TRDMT1: variants seen among roughly 807,000 people sequenced by gnomAD.
TRDMT1 encodes the protein tRNA aspartic acid methyltransferase 1, also known as tRNA (cytosine(38)-C(5))-methyltransferase.
TRDMT1 carries 49 observed loss-of-function variants against 51.2 expected under a neutral mutation model. The ratio of observed to expected loss-of-function variants is 0.96; its 90% CI spans 0.76 to 1.21. The LOEUF (loss-of-function observed/expected upper bound fraction) is 1.21. Among genes scored for constraint, TRDMT1 ranks in the 50% most tolerant of loss-of-function variants. The pLI is 0.00. For missense variants in TRDMT1, 534 were observed against 462.3 expected, an observed-to-expected ratio of 1.16 and a Z score of -1.42; for synonymous variants, 187 against 164.6, an observed-to-expected ratio of 1.14 and a Z score of -1.04.
chr10:17,188,503 C>T (rs986737362), intron 1 of TRDMT1, among the ~76,000 whole-genome samples: 5 of 152,244 alleles, frequency 3.3e-5, no homozygotes, highest in East Asian at 1.9e-4. Flanking sequence ...GATAAAACAA[C>T]GAATCCCTGC....
chr10:17,201,227 TG>T, intron 1 of TRDMT1: 1 of 237,306 alleles, frequency 4.2e-6, no homozygotes. Flanking sequence ...TCTCGGTGGC[TG>T]CACACTTAGA....
chr10:17,183,951 G>A (rs1205073190), intron 1 of TRDMT1, among the ~76,000 whole-genome samples: 1 of 152,020 alleles, frequency 6.6e-6, no homozygotes, highest in Non-Finnish European at 1.5e-5. Flanking sequence ...TACAACAATT[G>A]TAACTCAGTG....
intron 1 of TRDMT1, among the ~76,000 whole-genome samples, chr10:17,198,342 A>G (rs1845722781): frequency 6.6e-6 from 1 of 152,232 alleles, no homozygotes; most frequent in African/African-American, 2.4e-5. Flanking sequence ...AACAATACTT[A>G]TATACCAATA....
chr10:17,146,297 A>G lies in TRDMT1; in HGVS notation c.*2743T>C. On this transcript the variant is annotated 3_prime_UTR_variant, in exon 11 of 11. Transcript: ENST00000377799. ...GGCTGAAGGTTGGAGGTATTTTCTC[A>G]TCTTTCCAGACATAGGGCAGTGCCC... is the stretch of plus-strand genomic sequence containing the variant. 1.0e-6 allele frequency: 1 copy of G among 985,362 alleles called. No individual in the cohort carries two copies. Among genetic ancestry groups the G allele is most frequent in the Non-Finnish European group, 1.2e-6 (1 of 829,908 alleles). 61.0% of individuals were successfully genotyped at this position (985,362 alleles called of 1,614,324 possible). A position where few individuals can be genotyped will look rare whatever the true frequency, so the allele number is the denominator to read the frequency against.
chr10:17,192,092 A>T (rs1844764480), intron 1 of TRDMT1, among the ~76,000 whole-genome samples: 1 of 152,182 alleles, frequency 6.6e-6, no homozygotes, highest in Non-Finnish European at 1.5e-5. Flanking sequence ...ATTAAGTCTG[A>T]CAAGACAGGA....
intron 5 of TRDMT1, among the ~76,000 whole-genome samples, chr10:17,161,262 A>G (rs1336620933): frequency 6.6e-6 from 1 of 152,254 alleles, no homozygotes. Context: ...GAAAAATTAG[A>G]AAATATCAAA....
intron 1 of TRDMT1, among the ~76,000 whole-genome samples, chr10:17,185,526 T>C (rs1450885568): frequency 6.6e-6 from 1 of 152,132 alleles, no homozygotes; most frequent in African/African-American, 2.4e-5. Flanking sequence ...TCCTCAGGGA[T>C]CTAGAACTAG....
intron 3 of TRDMT1, among the ~76,000 whole-genome samples, chr10:17,162,688 C>CA (rs1476407810): frequency 6.6e-6 from 1 of 152,090 alleles, no homozygotes; most frequent in Non-Finnish European, 1.5e-5. Flanking sequence ...ATTAAAAATG[C>CA]AAAAATCAGC....
intron 2 of TRDMT1, chr10:17,172,080 C>T (rs968750672): frequency 2.4e-5 from 4 of 166,610 alleles, no homozygotes; most frequent in Non-Finnish European, 5.9e-5. Context: ...AATGGTCAAA[C>T]CCCCCAAATT....
intron 1 of TRDMT1, among the ~76,000 whole-genome samples, chr10:17,191,424 G>A (rs545880252): frequency 3.3e-5 from 5 of 152,194 alleles, no homozygotes; most frequent in Non-Finnish European, 7.4e-5. Flanking sequence ...AAGTAGCTCA[G>A]GCCAAGCTTA....
chr10:17,167,425 A>G (rs569968258), intron 3 of TRDMT1, among the ~76,000 whole-genome samples: 1 of 152,322 alleles, frequency 6.6e-6, no homozygotes, highest in African/African-American at 2.4e-5. Context: ...CATCTGTAAA[A>G]TCATTGTAAC....
At chr10:17,168,359 T>C (rs1841494041) in intron 3 of TRDMT1, among the ~76,000 whole-genome samples, 1 of 152,146 alleles carries the variant, frequency 6.6e-6, no homozygotes, top group Admixed American at 6.5e-5. Context: ...TAGAAGGATT[T>C]ATGAAAAAAT....
In TRDMT1 at chr10:17,140,408, G is replaced by C. The variant is rs1032015140; in HGVS notation, c.*8632C>G. ...TCAAACAATCCCCCAAGCCATGAAA[G>C]AACCTACAATTCTATTACCATACTC... On this transcript the variant is annotated 3_prime_UTR_variant, in exon 11 of 11. Transcript: ENST00000377799. Among the ~76,000 whole-genome samples, 3 of 151,974 alleles carry C rather than the reference G, an allele frequency of 2.0e-5. No homozygotes were observed. The highest frequency in any genetic ancestry group is 7.3e-5 in the African/African-American group (3 of 41,360).
chr10:17,166,221 G>A (rs1841185313), intron 3 of TRDMT1, among the ~76,000 whole-genome samples: 1 of 151,948 alleles, frequency 6.6e-6, no homozygotes. Context: ...TCCTTTGTAG[G>A]GACATGGATG....
At chr10:17,151,627 T>C (rs1210066621) in intron 10 of TRDMT1, 1 of 982,602 alleles carries the variant, frequency 1.0e-6, no homozygotes, top group Non-Finnish European at 1.2e-6. Flanking sequence ...TTTCAAAGGC[T>C]GTTTTTCTAA....
intron 2 of TRDMT1, chr10:17,169,475 C>T: frequency 7.8e-7 from 1 of 1,289,760 alleles, no homozygotes; most frequent in Non-Finnish European, 1.0e-6. Context: ...TGACTGTTGA[C>T]AAGATGCATC....
rs1840163180 is a variant in TRDMT1 at position 17,160,383 on chromosome 10, A to G, written c.390-9T>C. 2.7e-6 allele frequency: 3 copies of G among 1,113,482 alleles called. No individual in the cohort carries two copies. Among genetic ancestry groups the G allele is most frequent in the South Asian group, 3.9e-5 (2 of 50,966 alleles). The allele number at this position is 1,113,482 out of a possible 1,614,324, so 69.0% of individuals were successfully genotyped here. ...TTTGTATCAAGAGGTCTCTAAAAAG[A>G]AAAAAAAAAAACTTTAATTCTTACT... On this transcript the variant is annotated splice_polypyrimidine_tract_variant and intron_variant, in intron 5 of 10. Coordinates refer to ENST00000377799, the MANE Select transcript of TRDMT1 (RefSeq NM_004412.7).
chr10:17,162,073 A>G (rs1466906027), intron 4 of TRDMT1, 93 bp downstream of exon 4: 2 of 1,084,508 alleles, frequency 1.8e-6, no homozygotes, highest in Non-Finnish European at 2.8e-6. Context: ...GCATGTATAA[A>G]TGGCTATCCT....
intron 8 of TRDMT1, 107 bp from the exon 9 acceptor site, chr10:17,154,841 T>C (rs1839279951): frequency 1.1e-6 from 1 of 872,052 alleles, no homozygotes; most frequent in Non-Finnish European, 1.7e-6. Flanking sequence ...TACATCCTTC[T>C]GAAATATCTT....
Sources: gnomAD v4.1 joint callset for allele counts (sites outside exome capture counted in the v4.1 genomes callset) on GRCh38, gnomAD v4.1.1 for gene constraint, MANE v1.5 for transcripts, NCBI Gene and HGNC (gene_info 2026-07-23, HGNC 2026-07-21) for gene names.